Variants in CLASP1 observed in about 807,000 individuals in gnomAD.
CLASP1 encodes the protein CLIP-associating protein 1.
CLASP1 carries 38 observed loss-of-function variants against 192.3 expected under a neutral mutation model. The ratio of observed to expected loss-of-function variants is 0.20; its 90% CI spans 0.15 to 0.26. The LOEUF (loss-of-function observed/expected upper bound fraction) is 0.26, where lower values mean the gene tolerates loss of function less well. Among genes scored for constraint, CLASP1 ranks in the 10% least tolerant of loss-of-function variants. CLASP1 has a pLI of 1.00. For synonymous variants in CLASP1, 691 were observed against 712.8 expected (o/e 0.97, Z 0.49); for missense variants, 1,433 against 1,932.5 (o/e 0.74, Z 4.85).
chr2:121,553,735 G>C (rs2058257909), intron 2 of CLASP1, among the ~76,000 whole-genome samples: 1 of 151,960 alleles, frequency 6.6e-6, no homozygotes, highest in Non-Finnish European at 1.5e-5. Context: ...AAATAAAAAT[G>C]TATGGTCACA....
At position 121,607,534 on chromosome 2, in the gene CLASP1, C is replaced by T. The variant is rs569109947; in HGVS notation, c.-285-1354G>A. ...TAACTACACAAATTGCATAAGCTCT[C>T]TCGTTAACCTATAGCTGCTGGAGCA... On this transcript the variant is annotated intron_variant, in intron 1 of 39. Coordinates refer to ENST00000263710, the Ensembl canonical transcript of CLASP1. Among the ~76,000 whole-genome samples, 24 of 152,294 alleles carry T rather than the reference C, an allele frequency of 1.6e-4. No homozygotes were observed. The South Asian group carries it at 5.0e-3, about 32-fold the overall frequency.
At chr2:121,395,736 C>G (rs1466232156) in intron 30 of CLASP1, among the ~76,000 whole-genome samples, 1 of 152,136 alleles carries the variant, frequency 6.6e-6, no homozygotes, top group Middle Eastern at 3.2e-3. Context: ...GGTATTCCAT[C>G]AGTTTGAAGG....
chr2:121,374,017 A>T (rs2069373661), intron 34 of CLASP1, among the ~76,000 whole-genome samples: 1 of 152,254 alleles, frequency 6.6e-6, no homozygotes, highest in African/African-American at 2.4e-5. Flanking sequence ...AATAGCCAAG[A>T]CAATGGAGTA....
At chr2:121,359,449 C>T (rs2065954154) in intron 37 of CLASP1, among the ~76,000 whole-genome samples, 1 of 152,148 alleles carries the variant, frequency 6.6e-6, no homozygotes, top group Admixed American at 6.5e-5. Context: ...TTATTTAATC[C>T]TCTCTTTTTA....
chr2:121,387,776 C>T, exon 31 of CLASP1: 1 of 1,613,946 alleles, frequency 6.2e-7, no homozygotes, highest in East Asian at 2.2e-5. Context: ...ACTGGTGTTA[C>T]TGGAATTCTT....
chr2:121,490,233 T>G, intron 8 of CLASP1: 1 of 426,192 alleles, frequency 2.3e-6, no homozygotes, highest in East Asian at 7.9e-5. Context: ...CAAGCAGCAA[T>G]AATTATAAAC....
At chr2:121,539,780 A>T (rs1273518639) in intron 2 of CLASP1, among the ~76,000 whole-genome samples, 2 of 152,272 alleles carry the variant, frequency 1.3e-5, no homozygotes, top group African/African-American at 4.8e-5. Flanking sequence ...AGCAACTGAT[A>T]GGCAAGCCAG....
At chr2:121,594,518 G>A (rs1223154811) in intron 2 of CLASP1, among the ~76,000 whole-genome samples, 2 of 150,872 alleles carry the variant, frequency 1.3e-5, no homozygotes, top group African/African-American at 2.4e-5. Flanking sequence ...TCAGCCTCCC[G>A]AGTAGCTGGG....
intron 1 of CLASP1, among the ~76,000 whole-genome samples, chr2:121,618,305 C>T (rs1020521023): frequency 2.0e-5 from 3 of 152,170 alleles, no homozygotes; most frequent in African/African-American, 7.2e-5. Context: ...CAGTCACTGG[C>T]AGTCATAAGT....
intron 37 of CLASP1, among the ~76,000 whole-genome samples, chr2:121,350,586 T>C (rs1412198877): frequency 6.6e-6 from 1 of 152,142 alleles, no homozygotes; most frequent in East Asian, 1.9e-4. Flanking sequence ...CAGGGCTCAC[T>C]TCAGGGAGTG....
chr2:121,527,681 G>A (rs1575673470), intron 5 of CLASP1, 118 bp downstream of exon 5: 1 of 722,930 alleles, frequency 1.4e-6, no homozygotes, highest in Non-Finnish European at 2.4e-6. Flanking sequence ...TGGGTAAAGG[G>A]GGCATGAGAT....
chr2:121,531,121 CAAGTA>C (rs1246690500), intron 2 of CLASP1: 2 of 627,908 alleles, frequency 3.2e-6, no homozygotes, highest in South Asian at 1.7e-5. Flanking sequence ...TTTAGTGTCG[CAAGTA>C]AAGTTCTTTC....
intron 2 of CLASP1, among the ~76,000 whole-genome samples, chr2:121,571,442 C>T (rs2059963665): frequency 6.6e-6 from 1 of 152,178 alleles, no homozygotes; most frequent in Non-Finnish European, 1.5e-5. Context: ...TTACTATATG[C>T]TGGGTACTGC....
intron 1 of CLASP1, among the ~76,000 whole-genome samples, chr2:121,633,928 A>G (rs1181598247): frequency 6.6e-6 from 1 of 151,124 alleles, no homozygotes; most frequent in Non-Finnish European, 1.5e-5. Context: ...AATGGCGTGA[A>G]CCTGGGAGGC....
chr2:121,363,272 A>G, exon 37 of CLASP1: 1 of 1,613,710 alleles, frequency 6.2e-7, no homozygotes, highest in Non-Finnish European at 8.5e-7. Context: ...TTCCCTCAAA[A>G]CTCTTAACGC....
chr2:121,349,980 G>C (rs1401122410), intron 37 of CLASP1, among the ~76,000 whole-genome samples: 1 of 152,166 alleles, frequency 6.6e-6, no homozygotes, highest in Non-Finnish European at 1.5e-5. Context: ...ATGGTGAGCA[G>C]TACTCAAGAT....
intron 7 of CLASP1, among the ~76,000 whole-genome samples, chr2:121,511,601 AAGAGAG>A (rs1032891733): frequency 1.3e-5 from 2 of 149,684 alleles, no homozygotes; most frequent in African/African-American, 4.9e-5. Flanking sequence ...AAAAAAAAAA[AAGAGAG>A]AGAGAGAGAG....
intron 16 of CLASP1, 144 bp downstream of exon 16, chr2:121,450,769 C>T (rs1417446437): frequency 3.5e-6 from 2 of 576,974 alleles, no homozygotes; most frequent in Non-Finnish European, 6.1e-6. Flanking sequence ...AGAAATATTC[C>T]AAAATGGCCT....
At chr2:121,351,147 C>T (rs981170739) in intron 37 of CLASP1, among the ~76,000 whole-genome samples, 2 of 152,134 alleles carry the variant, frequency 1.3e-5, no homozygotes, top group Admixed American at 6.5e-5. Flanking sequence ...GTACAGCCAG[C>T]GCCATCATCA....
Sources: gnomAD v4.1 joint callset for allele counts (sites outside exome capture counted in the v4.1 genomes callset) on GRCh38, gnomAD v4.1.1 for gene constraint, MANE v1.5 for transcripts, NCBI Gene and HGNC (gene_info 2026-07-23, HGNC 2026-07-21) for gene names.